The following MPHOSPH9 variants were observed in gnomAD, a reference collection of about 807,000 sequenced individuals.
The protein encoded by MPHOSPH9 is M-phase phosphoprotein 9.
MPHOSPH9 carries 88 observed loss-of-function variants against 145.5 expected under a neutral mutation model. The observed-to-expected ratio is 0.60, with a 90% confidence interval of 0.51 to 0.72. The LOEUF (loss-of-function observed/expected upper bound fraction) is 0.72. MPHOSPH9 is among the 30% of genes least tolerant of loss of function. The pLI is 0.00. For missense variants in MPHOSPH9, 1,238 were observed against 1,386.6 expected, an observed-to-expected ratio of 0.89 and a Z score of 1.70; for synonymous variants, 435 against 486.2, an observed-to-expected ratio of 0.89 and a Z score of 1.39.
intron 14 of MPHOSPH9, among the ~76,000 whole-genome samples, chr12:123,180,582 G>A (rs1387956920): frequency 3.9e-5 from 6 of 152,192 alleles, no homozygotes; most frequent in Non-Finnish European, 8.8e-5. Flanking sequence ...TATTTAATCA[G>A]TATTAAATGG....
chr12:123,232,881 T>G (rs1228141119), intron 1 of MPHOSPH9, 194 bp downstream of exon 1: 2 of 149,504 alleles, frequency 1.3e-5, no homozygotes, highest in African/African-American at 5.0e-5. Flanking sequence ...GGGCGCCGAG[T>G]CTAGAAAAGG....
At chr12:123,241,096 G>T (rs1341137413) in intron 1 of MPHOSPH9, among the ~76,000 whole-genome samples, 4 of 151,292 alleles carry the variant, frequency 2.6e-5, no homozygotes, top group African/African-American at 7.3e-5. Flanking sequence ...GAGAGCTGTT[G>T]ATGACACAGC....
intron 13 of MPHOSPH9, among the ~76,000 whole-genome samples, chr12:123,187,822 T>C (rs1593134921): frequency 1.3e-5 from 2 of 152,216 alleles, no homozygotes; most frequent in East Asian, 3.8e-4. Context: ...TCATACCATA[T>C]ATTACGTAAG....
In MPHOSPH9 at chr12:123,194,452, C is replaced by T; in HGVS notation, c.2175G>A (p.Glu725=). 1 of 1,609,888 alleles carries T rather than the reference C, an allele frequency of 6.2e-7. No homozygotes were observed. Among genetic ancestry groups the T allele is most frequent in the Non-Finnish European group, 8.5e-7 (1 of 1,178,392 alleles). The change falls in exon 13 of 24, where the codon GAG becomes GAA. Residue 725 remains glutamate, a synonymous_variant. Transcript: ENST00000606320. ...TATCATCTGAGAGTTTGTAAGCATT[C>T]TCAAATGCTTCTTCTAAATCTTGCA... is the stretch of plus-strand genomic sequence containing the variant. ...SRLQDLEEAF[E]NAYKLSDDKE... is the part of the protein sequence containing the mutation.
At chr12:123,213,876 G>A (rs2046848619) in intron 7 of MPHOSPH9, among the ~76,000 whole-genome samples, 1 of 152,140 alleles carries the variant, frequency 6.6e-6, no homozygotes, top group Non-Finnish European at 1.5e-5. Context: ...ACAGACTGAA[G>A]TGTGCAAGAG....
chr12:123,236,777 C>T (rs1222488817), upstream of MPHOSPH9, among the ~76,000 whole-genome samples: 1 of 151,818 alleles, frequency 6.6e-6, no homozygotes, highest in Non-Finnish European at 1.5e-5. Context: ...ATAAAGTTCC[C>T]GTTAGATGCC....
At chr12:123,164,722 C>T (rs1431277372) in intron 18 of MPHOSPH9, among the ~76,000 whole-genome samples, 3 of 152,136 alleles carry the variant, frequency 2.0e-5, no homozygotes, top group Non-Finnish European at 4.4e-5. Context: ...CAGTGGTTCA[C>T]GCCTGTAATC....
chr12:123,214,312 G>C (rs2138508722), intron 7 of MPHOSPH9, among the ~76,000 whole-genome samples: 2 of 152,306 alleles, frequency 1.3e-5, no homozygotes, highest in Admixed American at 1.3e-4. Context: ...ACCGAGGCTG[G>C]TGGATTGCTT....
At position 123,197,365 on chromosome 12, in the gene MPHOSPH9, T is replaced by G. The variant is rs550402291; in HGVS notation, c.2025+882A>C. Among the ~76,000 whole-genome samples, 4 of 151,422 alleles carry G rather than the reference T, an allele frequency of 2.6e-5. No homozygotes were observed. The East Asian group carries it at 7.9e-4, about 30-fold the overall frequency. ...CCCAGCTAATTTGTAGAGACAGAGG[T>G]CTCTGTATGTTACCCAGGCTGGTCT... is the stretch of plus-strand genomic sequence containing the variant. On this transcript the variant is annotated intron_variant, in intron 12 of 23. Transcript: ENST00000606320.
intron 11 of MPHOSPH9, among the ~76,000 whole-genome samples, chr12:123,201,580 A>T (rs1716182): frequency 1.3e-5 from 2 of 151,630 alleles, no homozygotes; most frequent in Non-Finnish European, 2.9e-5. Flanking sequence ...GGGTTCCACT[A>T]TGTTGCCCAG....
chr12:123,187,386 A>G (rs2045491486), intron 13 of MPHOSPH9, among the ~76,000 whole-genome samples: 1 of 152,200 alleles, frequency 6.6e-6, no homozygotes, highest in Non-Finnish European at 1.5e-5. Context: ...AAAAAGAAAA[A>G]TACTTGAGAT....
intron 13 of MPHOSPH9, among the ~76,000 whole-genome samples, chr12:123,185,261 C>G (rs1335561676): frequency 6.6e-6 from 1 of 150,406 alleles, no homozygotes; most frequent in Non-Finnish European, 1.5e-5. Context: ...GAAATAACAA[C>G]ATTAGATTCA....
At chr12:123,230,119 G>T (rs2047585245) in intron 2 of MPHOSPH9, 142 bp downstream of exon 2, 2 of 555,992 alleles carry the variant, frequency 3.6e-6, no homozygotes, top group African/African-American at 2.0e-5. Context: ...ACCGCGCCCA[G>T]CCTCCCTGAA....
At chr12:123,240,184 T>G (rs1463525257) in intron 1 of MPHOSPH9, among the ~76,000 whole-genome samples, 2 of 136,152 alleles carry the variant, frequency 1.5e-5, no homozygotes, top group Non-Finnish European at 3.1e-5. Flanking sequence ...ACCAACACGG[T>G]GAAACCCCAT....
rs767223639 is a variant in MPHOSPH9, at chr12:123,202,786, T to C, written c.1619A>G (p.Tyr540Cys). ...SRTSSTFPSV[Y>C]TITSNDISVN... is the part of the protein sequence containing the mutation. ...CGAGATATCATTACTAGTAATGGTA[T>C]ATACTGACGGAAACGTGGAACTGGT... The change falls in exon 10 of 24, where the codon TAT becomes TGT. Residue 540 changes from tyrosine to cysteine, a missense_variant. Coordinates refer to ENST00000606320, the MANE Select transcript of MPHOSPH9 (RefSeq NM_022782.4). 4.3e-6 allele frequency: 7 copies of C among 1,614,204 alleles called. No individual in the cohort carries two copies. Among genetic ancestry groups the C allele is most frequent in the Middle Eastern group, 1.6e-4 (1 of 6,062 alleles).
chr12:123,238,652 A>G (rs568227031), intron 1 of MPHOSPH9, among the ~76,000 whole-genome samples: 1 of 152,300 alleles, frequency 6.6e-6, no homozygotes, highest in African/African-American at 2.4e-5. Context: ...TGTCTGTCCT[A>G]GCAATCAGAA....
chr12:123,192,323 G>A (rs972993910), intron 13 of MPHOSPH9, among the ~76,000 whole-genome samples: 4 of 151,244 alleles, frequency 2.6e-5, no homozygotes, highest in African/African-American at 4.9e-5. Context: ...GTGTGGTGGC[G>A]TGCACCTGTA....
At position 123,155,426 on chromosome 12, in the gene MPHOSPH9, T is replaced by A. The variant is rs1035948878; in HGVS notation, c.*1381A>T. 7.2e-5 allele frequency: 11 copies of A among 152,122 alleles called. No individual in the cohort carries two copies. The highest frequency in any genetic ancestry group is 7.2e-4 in the Admixed American group (11 of 15,270). The allele number at this position is 152,122 out of a possible 1,614,324, so 9.4% of individuals were successfully genotyped here. On this transcript the variant is annotated 3_prime_UTR_variant, in exon 24 of 24. Transcript: ENST00000606320. ...CCAGGTGAAGGGTGCTCAAAGGTCA[T>A]TTGAGAGCCTGCTTGGAATAACTGG...
rs200127677 is a variant in MPHOSPH9, at chr12:123,181,138, T to C, written c.2289+25A>G. 4.5e-5 allele frequency: 71 copies of C among 1,590,606 alleles called. 1 individual carries two copies. The African/African-American group carries it at 8.6e-4, about 19-fold the overall frequency. ...AATGTTTCTGCCTCTGCATGAAATCTAGAACATGAACCATTACCCCTTACC... is the reference window on the plus strand; with the variant it reads ...AATGTTTCTGCCTCTGCATGAAATCCAGAACATGAACCATTACCCCTTACC... On this transcript the variant is annotated intron_variant, in intron 14 of 23. Transcript: ENST00000606320.
Sources: allele counts gnomAD v4.1 joint callset (sites outside exome capture counted in the v4.1 genomes callset), GRCh38; gene constraint gnomAD v4.1.1; transcripts MANE v1.5; gene names NCBI Gene and HGNC (gene_info 2026-07-23, HGNC 2026-07-21).